PDE4B: variants seen among roughly 807,000 people sequenced by gnomAD.
PDE4B encodes 3',5'-cyclic-AMP phosphodiesterase 4B.
A neutral mutation model predicts 82.2 loss-of-function variants in PDE4B; 20 were observed. The ratio of observed to expected loss-of-function variants is 0.24; its 90% CI spans 0.17 to 0.35. The LOEUF is 0.35. PDE4B is among the 10% of genes least tolerant of loss of function. The pLI is 1.00. For missense variants in PDE4B, 655 were observed against 907.2 expected (o/e 0.72, Z 3.57); for synonymous variants, 320 against 318.9 (o/e 1.00, Z -0.04).
chr1:66,179,574 C>T (rs767362207), intron 3 of PDE4B, among the ~76,000 whole-genome samples: 33 of 152,186 alleles, frequency 2.2e-4, no homozygotes, highest in Non-Finnish European at 3.7e-4. Context: ...TTGTTCCTTA[C>T]TGAATTTGCA....
chr1:66,224,024 AC>A (rs1651222484), intron 3 of PDE4B, among the ~76,000 whole-genome samples: 1 of 152,062 alleles, frequency 6.6e-6, no homozygotes, highest in Admixed American at 6.5e-5. Flanking sequence ...TTCCACATCA[AC>A]TAAGCCATCT....
chr1:66,051,224 AAAATT>A (rs2100861741), intron 3 of PDE4B, among the ~76,000 whole-genome samples: 1 of 152,218 alleles, frequency 6.6e-6, no homozygotes, highest in African/African-American at 2.4e-5. Context: ...AAAATTAAAA[AAAATT>A]AAATTTGAAA....
At chr1:66,203,072 G>A (rs926957627) in intron 3 of PDE4B, among the ~76,000 whole-genome samples, 7 of 142,014 alleles carry the variant, frequency 4.9e-5, no homozygotes, top group African/African-American at 1.8e-4. Context: ...GCATTTGCTT[G>A]TCTGTAAAGT....
chr1:66,188,272 C>G (rs151337164), intron 3 of PDE4B, among the ~76,000 whole-genome samples: 75,085 of 146,194 alleles, frequency 0.51, 19,509 homozygotes, highest in South Asian at 0.64. Context: ...GTCAATTTTG[C>G]AATAGGTGTG....
intron 3 of PDE4B, among the ~76,000 whole-genome samples, chr1:66,129,659 CA>C (rs59846345): frequency 0.71 from 67,169 of 94,706 alleles, 22,720 homozygotes; most frequent in Middle Eastern, 0.89. Context: ...GACTCCGTCT[CA>C]AAAAAAAAAA....
intron 3 of PDE4B, among the ~76,000 whole-genome samples, chr1:65,959,590 T>TAGAG (rs1407142311): frequency 6.6e-6 from 1 of 152,104 alleles, no homozygotes; most frequent in African/African-American, 2.4e-5. Flanking sequence ...TAGCTTAGAT[T>TAGAG]CTTTATTTGC....
chr1:66,091,292 C>T (rs1392440187), intron 3 of PDE4B, among the ~76,000 whole-genome samples: 1 of 152,022 alleles, frequency 6.6e-6, no homozygotes, highest in Non-Finnish European at 1.5e-5. Flanking sequence ...ACCAAGTTTC[C>T]TGTGGTTTCC....
intron 7 of PDE4B, among the ~76,000 whole-genome samples, chr1:66,273,450 C>T (rs1169752928): frequency 1.3e-5 from 2 of 152,250 alleles, no homozygotes; most frequent in Non-Finnish European, 1.5e-5. Context: ...AATTCAGGGC[C>T]TGGGCCCTGA....
At chr1:66,295,253 G>A in intron 7 of PDE4B, among the ~76,000 whole-genome samples, 1 of 152,024 alleles carries the variant, frequency 6.6e-6, no homozygotes, top group East Asian at 1.9e-4. Context: ...CCTTGGTAGG[G>A]GCAGACTAGA....
intron 3 of PDE4B, among the ~76,000 whole-genome samples, chr1:65,991,062 A>G (rs1422959237): frequency 6.8e-6 from 1 of 146,278 alleles, no homozygotes; most frequent in African/African-American, 2.6e-5. Flanking sequence ...TTTAGCCTGA[A>G]TATCTGACAC....
intron 9 of PDE4B, among the ~76,000 whole-genome samples, chr1:66,357,163 T>C (rs1662319030): frequency 6.6e-6 from 1 of 152,184 alleles, no homozygotes; most frequent in Admixed American, 6.5e-5. Flanking sequence ...CATTTTAAAA[T>C]ACGAGGGCTT....
At chr1:66,164,041 T>C (rs2101281953) in intron 3 of PDE4B, among the ~76,000 whole-genome samples, 1 of 152,300 alleles carries the variant, frequency 6.6e-6, no homozygotes, top group South Asian at 2.1e-4. Context: ...GTCCCTGCCA[T>C]AGACTTTTTC....
rs957540530 is a variant in PDE4B, at chr1:65,792,945, T to C, written c.-374T>C. ...CGCGTCGCCAGCGCCTGTGTCTCCC[T>C]GGCGCGGGTTCCCCAGGCTAGCCCG... On this transcript the variant is annotated 5_prime_UTR_variant, in exon 1 of 17. Coordinates refer to ENST00000341517, the MANE Select transcript of PDE4B (RefSeq NM_002600.4). Among the ~76,000 whole-genome samples the C allele has an allele frequency of 1.3e-5, 2 of 151,792 alleles. No individual in the cohort carries two copies. The highest frequency in any genetic ancestry group is 2.9e-5 in the Non-Finnish European group (2 of 67,908).
intron 8 of PDE4B, among the ~76,000 whole-genome samples, chr1:66,347,866 T>A (rs1447738079): frequency 4.6e-5 from 7 of 152,216 alleles, no homozygotes; most frequent in Non-Finnish European, 1.0e-4. Flanking sequence ...TAAGAGGTAC[T>A]ATAGACTGAA....
intron 3 of PDE4B, among the ~76,000 whole-genome samples, chr1:65,937,537 C>T (rs1375257162): frequency 6.6e-6 from 1 of 152,208 alleles, no homozygotes; most frequent in African/African-American, 2.4e-5. Context: ...AAAGCTGGTG[C>T]ATGGATGGGA....
At chr1:66,285,448 A>G (rs1002309696) in intron 7 of PDE4B, among the ~76,000 whole-genome samples, 2 of 152,132 alleles carry the variant, frequency 1.3e-5, no homozygotes, top group African/African-American at 4.8e-5. Flanking sequence ...CCATCACCCA[A>G]ATAGTGAACA....
intron 3 of PDE4B, among the ~76,000 whole-genome samples, chr1:66,062,426 T>C (rs930180165): frequency 6.6e-6 from 1 of 152,058 alleles, no homozygotes; most frequent in Non-Finnish European, 1.5e-5. Context: ...TTAAAAGAAT[T>C]CAGAATGCTC....
intron 3 of PDE4B, among the ~76,000 whole-genome samples, chr1:66,218,805 A>G (rs918384579): frequency 3.3e-5 from 5 of 152,186 alleles, no homozygotes; most frequent in African/African-American, 9.7e-5. Context: ...TACAAGGCCT[A>G]GCATTCGATA....
chr1:65,962,720 T>C (rs1253682285), intron 3 of PDE4B, among the ~76,000 whole-genome samples: 1 of 152,072 alleles, frequency 6.6e-6, no homozygotes, highest in Non-Finnish European at 1.5e-5. Flanking sequence ...GAGCAGCAGA[T>C]CCTCAGTTTC....
Sources: allele counts gnomAD v4.1 joint callset (sites outside exome capture counted in the v4.1 genomes callset), GRCh38; gene constraint gnomAD v4.1.1; transcripts MANE v1.5; gene names NCBI Gene and HGNC (gene_info 2026-07-23, HGNC 2026-07-21).